The following UBXN2A variants were observed in gnomAD, a reference collection of about 807,000 sequenced individuals.
UBXN2A encodes UBX domain-containing protein 2A.
Under a neutral mutation model 28.4 loss-of-function variants are expected in UBXN2A, and 28 were observed. The ratio of observed to expected loss-of-function variants is 0.99; its 90% CI spans 0.73 to 1.35. UBXN2A has a LOEUF of 1.35. Among genes scored for constraint, UBXN2A ranks in the 40% most tolerant of loss-of-function variants. The probability of loss-of-function intolerance (pLI) is 0.00; values close to 1 mark genes in which losing one functional copy is unlikely to be tolerated. For missense variants in UBXN2A, 253 were observed against 297.9 expected (o/e 0.85, Z 1.11); for synonymous variants, 97 against 103.6 (o/e 0.94, Z 0.39).
At chr2:23,949,338 G>A (rs1020237571) in intron 1 of UBXN2A, among the ~76,000 whole-genome samples, 1 of 151,740 alleles carries the variant, frequency 6.6e-6, no homozygotes, top group African/African-American at 2.4e-5. Context: ...GTGGGAGGCC[G>A]AGGTGGGCGG....
intron 2 of UBXN2A, among the ~76,000 whole-genome samples, chr2:23,964,087 G>A (rs1248685061): frequency 6.6e-6 from 1 of 150,672 alleles, no homozygotes; most frequent in African/African-American, 2.5e-5. Flanking sequence ...AACCATGATC[G>A]TGTCACTGCG....
chr2:23,971,185 A>G (rs1707400325), intron 2 of UBXN2A, 91 bp from the exon 3 acceptor site: 1 of 1,349,650 alleles, frequency 7.4e-7, no homozygotes, highest in Admixed American at 2.4e-5. Flanking sequence ...TGCACGTAGC[A>G]TCTAAGTTCA....
chr2:23,970,772 G>C (rs1016627640), intron 2 of UBXN2A, among the ~76,000 whole-genome samples: 5 of 151,778 alleles, frequency 3.3e-5, no homozygotes, highest in African/African-American at 4.8e-5. Flanking sequence ...AACAGCGACA[G>C]ATCATGAGGC....
intron 1 of UBXN2A, among the ~76,000 whole-genome samples, chr2:23,951,636 T>G (rs1706378053): frequency 6.6e-6 from 1 of 151,738 alleles, no homozygotes; most frequent in Non-Finnish European, 1.5e-5. Context: ...AATTTTTGTG[T>G]TTTTAGTAGA....
intron 1 of UBXN2A, among the ~76,000 whole-genome samples, chr2:23,952,165 C>T (rs1300794485): frequency 1.3e-5 from 2 of 151,814 alleles, no homozygotes; most frequent in African/African-American, 4.8e-5. Flanking sequence ...TGGGGTTTGA[C>T]CATGTTGGCC....
rs1339371508 is a variant in UBXN2A, at chr2:24,003,263, C to T, written c.*3396C>T. The T allele has an allele frequency of 1.3e-5, 2 of 152,142 alleles. No individual in the cohort carries two copies. The highest frequency in any genetic ancestry group is 2.9e-5 in the Non-Finnish European group (2 of 68,040). 9.4% of individuals were successfully genotyped at this position (152,142 alleles called of 1,614,324 possible). ...CTTTCACCATGGACGGTGGGAGACT[C>T]CACTGAAACACATCTGCTAGACCAC... is the stretch of plus-strand genomic sequence containing the variant. On this transcript the variant is annotated 3_prime_UTR_variant, in exon 7 of 7. Coordinates refer to ENST00000309033, the MANE Select transcript of UBXN2A (RefSeq NM_181713.4).
chr2:23,952,868 C>T (rs946741674), intron 1 of UBXN2A, among the ~76,000 whole-genome samples: 2 of 152,034 alleles, frequency 1.3e-5, no homozygotes, highest in African/African-American at 4.8e-5. Flanking sequence ...TGTGAGCCAC[C>T]ATGCCTGGCC....
At chr2:23,991,072 A>G (rs1373812800) in intron 6 of UBXN2A, among the ~76,000 whole-genome samples, 1 of 151,998 alleles carries the variant, frequency 6.6e-6, no homozygotes, top group East Asian at 1.9e-4. Context: ...CTGTCCTACT[A>G]ATGGCTTGGT....
chr2:23,996,690 T>C lies in UBXN2A; in HGVS notation c.585-2982T>C, dbSNP rs959915173. 4.0e-5 allele frequency: 6 copies of C among 151,510 alleles called. No individual in the cohort carries two copies. In the East Asian group the frequency reaches 1.2e-3, roughly 29 times the overall value. 9.4% of individuals were successfully genotyped at this position (151,510 alleles called of 1,614,324 possible). ...TGGGGTTTCACCATGTTGGTCAGGCTGGTCTCGAACTCCTGACCTCATGAT... is the reference window on the plus strand; with the variant it reads ...TGGGGTTTCACCATGTTGGTCAGGCCGGTCTCGAACTCCTGACCTCATGAT... On this transcript the variant is annotated intron_variant, in intron 6 of 6. Coordinates refer to ENST00000309033, the MANE Select transcript of UBXN2A (RefSeq NM_181713.4).
intron 4 of UBXN2A, among the ~76,000 whole-genome samples, chr2:23,982,366 CAA>C (rs1305765791): frequency 3.0e-5 from 4 of 132,190 alleles, no homozygotes; most frequent in Admixed American, 1.6e-4. Context: ...GACTCCGTCT[CAA>C]AAAAAAAAAA....
chr2:23,995,625 G>A (rs928382233), intron 6 of UBXN2A, among the ~76,000 whole-genome samples: 7 of 151,318 alleles, frequency 4.6e-5, no homozygotes, highest in East Asian at 2.0e-4. Context: ...CCCAGGGGGC[G>A]GAGCTTGCAG....
At chr2:23,980,824 AC>A (rs779917081) in intron 4 of UBXN2A, among the ~76,000 whole-genome samples, 5 of 151,924 alleles carry the variant, frequency 3.3e-5, no homozygotes, top group Non-Finnish European at 7.4e-5. Flanking sequence ...GCAGGGTTTT[AC>A]CATGTTCGCC....
At chr2:23,960,694 G>A (rs1430098262) in intron 2 of UBXN2A, among the ~76,000 whole-genome samples, 6 of 151,990 alleles carry the variant, frequency 3.9e-5, no homozygotes, top group Non-Finnish European at 8.8e-5. Context: ...GTGCAACGGC[G>A]TGATCTTGGC....
upstream of UBXN2A, among the ~76,000 whole-genome samples, chr2:23,936,193 C>T (rs747764387): frequency 6.6e-6 from 1 of 152,050 alleles, no homozygotes; most frequent in Non-Finnish European, 1.5e-5. Context: ...AAGGTGGAAG[C>T]AACCCAAATG....
intron 4 of UBXN2A, among the ~76,000 whole-genome samples, chr2:23,981,994 A>C (rs1707928331): frequency 6.6e-6 from 1 of 152,096 alleles, no homozygotes; most frequent in African/African-American, 2.4e-5. Flanking sequence ...AAAATACTAA[A>C]ATACACTAAT....
chr2:23,954,117 A>G (rs1390506463), intron 1 of UBXN2A, among the ~76,000 whole-genome samples: 1 of 152,078 alleles, frequency 6.6e-6, no homozygotes, highest in East Asian at 1.9e-4. Flanking sequence ...GGTACAAGTG[A>G]TTCTCCTGCC....
At chr2:23,949,521 C>G (rs190974094) in intron 1 of UBXN2A, among the ~76,000 whole-genome samples, 243 of 151,082 alleles carry the variant, frequency 1.6e-3, no homozygotes, top group African/African-American at 5.7e-3. Flanking sequence ...GCACTCCAGC[C>G]TGGGCAACAG....
At chr2:23,946,845 C>A (rs1399208372) in intron 1 of UBXN2A, among the ~76,000 whole-genome samples, 1 of 145,096 alleles carries the variant, frequency 6.9e-6, no homozygotes, top group Non-Finnish European at 1.5e-5. Context: ...AGAAATCAGA[C>A]AGTCTCCCAA....
intron 1 of UBXN2A, chr2:23,944,489 C>T (rs541262547): frequency 1.6e-6 from 1 of 635,354 alleles, no homozygotes; most frequent in African/African-American, 1.8e-5. Flanking sequence ...CCCCTTGGAA[C>T]AGTACAGTAC....
Sources: gnomAD v4.1 joint callset for allele counts (sites outside exome capture counted in the v4.1 genomes callset) on GRCh38, gnomAD v4.1.1 for gene constraint, MANE v1.5 for transcripts, NCBI Gene and HGNC (gene_info 2026-07-23, HGNC 2026-07-21) for gene names.